The following SPINK8 variants were observed in gnomAD, a reference collection of about 807,000 sequenced individuals.
SPINK8 encodes the protein serine protease inhibitor Kazal-type 8.
SPINK8 carries 12 observed loss-of-function variants against 14.4 expected under a neutral mutation model. That is an observed-to-expected ratio of 0.83 (90% CI 0.53 to 1.35). The LOEUF (loss-of-function observed/expected upper bound fraction) is 1.35, where lower values mean the gene tolerates loss of function less well. Ranked by LOEUF, SPINK8 falls within the 40% of genes most tolerant of loss-of-function variation. The pLI is 0.00. For missense variants in SPINK8, 103 were observed against 117.0 expected (o/e 0.88, Z 0.55); for synonymous variants, 32 against 37.6 (o/e 0.85, Z 0.55).
intron 6 of SPINK8, among the ~76,000 whole-genome samples, chr3:48,315,935 A>C (rs1575342584): frequency 6.6e-6 from 1 of 152,168 alleles, no homozygotes; most frequent in East Asian, 1.9e-4. Context: ...AGATTTGAGC[A>C]GACAGAAGAA....
intron 4 of SPINK8, among the ~76,000 whole-genome samples, chr3:48,324,740 T>G (rs1337076892): frequency 6.6e-6 from 1 of 152,218 alleles, no homozygotes; most frequent in Non-Finnish European, 1.5e-5. Context: ...ACACTGCATG[T>G]GCACCTGAGC....
chr3:48,331,327 G>A (rs867026651), intron 2 of SPINK8, among the ~76,000 whole-genome samples: 1 of 152,158 alleles, frequency 6.6e-6, no homozygotes, highest in African/African-American at 2.4e-5. Flanking sequence ...TATACTAGGG[G>A]GTCCTTCTAT....
At chr3:48,331,193 TG>T (rs1206875815) in intron 2 of SPINK8, among the ~76,000 whole-genome samples, 1 of 152,138 alleles carries the variant, frequency 6.6e-6, no homozygotes, top group African/African-American at 2.4e-5. Flanking sequence ...GGGCTGAAAG[TG>T]GGGTTTCCTT....
chr3:48,320,927 C>T, intron 5 of SPINK8, 98 bp downstream of exon 5: 16 of 1,214,390 alleles, frequency 1.3e-5, no homozygotes, highest in Non-Finnish European at 1.7e-5. Context: ...ATGCAAGCCC[C>T]CTCCACTGCC....
At chr3:48,324,838 T>G (rs2036118538) in intron 4 of SPINK8, among the ~76,000 whole-genome samples, 1 of 152,216 alleles carries the variant, frequency 6.6e-6, no homozygotes, top group African/African-American at 2.4e-5. Flanking sequence ...TAGTCTTCTA[T>G]TTCCTTATTG....
At chr3:48,330,328 G>C (rs988019095) in intron 2 of SPINK8, among the ~76,000 whole-genome samples, 2 of 152,080 alleles carry the variant, frequency 1.3e-5, no homozygotes, top group African/African-American at 4.8e-5. Flanking sequence ...AGACCGGCTT[G>C]GCCAACATGG....
chr3:48,309,860 C>T (rs2035900441), intron 7 of SPINK8, 44 bp downstream of exon 7: 2 of 1,438,250 alleles, frequency 1.4e-6, no homozygotes, highest in Non-Finnish European at 1.8e-6. Context: ...CTTAACTTAT[C>T]TAGTTTACTT....
intron 4 of SPINK8, among the ~76,000 whole-genome samples, chr3:48,326,799 C>T (rs1436239091): frequency 1.3e-5 from 2 of 151,668 alleles, no homozygotes; most frequent in Non-Finnish European, 2.9e-5. Flanking sequence ...TAGTTCCAGC[C>T]ACTTTGGGGG....
intron 4 of SPINK8, among the ~76,000 whole-genome samples, chr3:48,322,476 C>T (rs1205338455): frequency 6.6e-6 from 1 of 152,096 alleles, no homozygotes; most frequent in African/African-American, 2.4e-5. Flanking sequence ...GCTGGGATTA[C>T]AGGTGCATGC....
chr3:48,324,187 T>C (rs551698804), intron 4 of SPINK8, among the ~76,000 whole-genome samples: 87 of 152,332 alleles, frequency 5.7e-4, no homozygotes, highest in Non-Finnish European at 9.0e-4. Context: ...TAGTTTTCAG[T>C]GTGCAAGTCT....
At chr3:48,330,454 G>C (rs1432774955) in intron 2 of SPINK8, among the ~76,000 whole-genome samples, 2 of 152,160 alleles carry the variant, frequency 1.3e-5, no homozygotes, top group Non-Finnish European at 2.9e-5. Context: ...AAGAGGCAGA[G>C]GTTGCAGTAA....
At chr3:48,319,137 C>G (rs2036034328) in intron 6 of SPINK8, among the ~76,000 whole-genome samples, 1 of 152,220 alleles carries the variant, frequency 6.6e-6, no homozygotes, top group Non-Finnish European at 1.5e-5. Context: ...TCTTCCTCTT[C>G]TTTTTGTTCT....
rs182526989 is a variant in SPINK8, at chr3:48,316,732, C to T, written c.239+2765G>A. On this transcript the variant is annotated intron_variant, in intron 6 of 7. Transcript: ENST00000434006. ...AGGCTGCAGTGAGCCACAATCATGCCACTGCACTCCAACCTGGGTGACAGA... is the reference window on the plus strand; with the variant it reads ...AGGCTGCAGTGAGCCACAATCATGCTACTGCACTCCAACCTGGGTGACAGA... Among the ~76,000 whole-genome samples, 4 of 152,208 alleles carry T rather than the reference C, an allele frequency of 2.6e-5. No homozygotes were observed. In the East Asian group the frequency reaches 5.8e-4, roughly 22 times the overall value.
intron 2 of SPINK8, among the ~76,000 whole-genome samples, chr3:48,331,271 G>A (rs1387462540): frequency 6.6e-6 from 1 of 152,156 alleles, no homozygotes; most frequent in Non-Finnish European, 1.5e-5. Flanking sequence ...AGAAGCTCTT[G>A]GTAAGGGGAG....
chr3:48,311,176 A>G (rs1391433485), intron 6 of SPINK8, among the ~76,000 whole-genome samples: 1 of 152,212 alleles, frequency 6.6e-6, no homozygotes, highest in Non-Finnish European at 1.5e-5. Flanking sequence ...CACACATAAT[A>G]TTCAACAAAA....
chr3:48,321,598 T>C (rs569643137), intron 4 of SPINK8, among the ~76,000 whole-genome samples: 11 of 151,746 alleles, frequency 7.2e-5, no homozygotes, highest in African/African-American at 2.4e-4. Flanking sequence ...TTTACCAGAT[T>C]TTTAAAAAAT....
intron 4 of SPINK8, among the ~76,000 whole-genome samples, chr3:48,321,484 T>C (rs1348484367): frequency 6.6e-6 from 1 of 151,050 alleles, no homozygotes; most frequent in African/African-American, 2.4e-5. Context: ...TATAAGTATA[T>C]ATTATAATCA....
At chr3:48,323,269 C>T (rs746578717) in intron 4 of SPINK8, among the ~76,000 whole-genome samples, 4 of 152,060 alleles carry the variant, frequency 2.6e-5, no homozygotes, top group South Asian at 2.1e-4. Context: ...CTCAGCCACC[C>T]GAGTAGCTGG....
chr3:48,326,522 G>A (rs996989233), intron 4 of SPINK8, among the ~76,000 whole-genome samples: 2 of 151,890 alleles, frequency 1.3e-5, no homozygotes, highest in Non-Finnish European at 2.9e-5. Context: ...TGGGAGAATC[G>A]CTTGAACTTG....
Sources: allele counts gnomAD v4.1 joint callset (sites outside exome capture counted in the v4.1 genomes callset), GRCh38; gene constraint gnomAD v4.1.1; transcripts MANE v1.5; gene names NCBI Gene and HGNC (gene_info 2026-07-23, HGNC 2026-07-21).